The following PAMR1 variants were observed in gnomAD, a reference collection of about 807,000 sequenced individuals.
PAMR1 encodes inactive serine protease PAMR1.
A neutral mutation model predicts 81.8 loss-of-function variants in PAMR1; 88 were observed. The ratio of observed to expected loss-of-function variants is 1.08; its 90% CI spans 0.91 to 1.28. PAMR1 has a LOEUF of 1.28. PAMR1 is among the 50% of genes most tolerant of loss of function. PAMR1 has a pLI of 0.00. For synonymous variants in PAMR1, 336 were observed against 345.3 expected (o/e 0.97, Z 0.30); for missense variants, 935 against 919.7 (o/e 1.02, Z -0.21).
intron 6 of PAMR1, among the ~76,000 whole-genome samples, chr11:35,444,327 G>A (rs1289055444): frequency 6.6e-6 from 1 of 152,102 alleles, no homozygotes; most frequent in Non-Finnish European, 1.5e-5. Flanking sequence ...TTATTTTGCT[G>A]TGCAGAAGCT....
At chr11:35,468,329 G>A (rs1376992490) in intron 5 of PAMR1, among the ~76,000 whole-genome samples, 1 of 152,134 alleles carries the variant, frequency 6.6e-6, no homozygotes, top group Non-Finnish European at 1.5e-5. Flanking sequence ...GAGGGCCCCA[G>A]AAGTATGCTT....
At chr11:35,485,706 A>C (rs1850485540) in intron 3 of PAMR1, among the ~76,000 whole-genome samples, 1 of 152,248 alleles carries the variant, frequency 6.6e-6, no homozygotes, top group Non-Finnish European at 1.5e-5. Flanking sequence ...GTTCAGTGCC[A>C]GATGCTCTCT....
intron 6 of PAMR1, among the ~76,000 whole-genome samples, chr11:35,453,697 G>T (rs1195671111): frequency 6.6e-6 from 1 of 152,114 alleles, no homozygotes; most frequent in Non-Finnish European, 1.5e-5. Flanking sequence ...TCTCGCCATT[G>T]AACTGATTCA....
At chr11:35,457,310 G>A (rs79494093) in intron 6 of PAMR1, among the ~76,000 whole-genome samples, 1 of 60,678 alleles carries the variant, frequency 1.6e-5, no homozygotes, top group Admixed American at 2.0e-4. Context: ...AATGCTTGAG[G>A]GGGAATCCAT....
chr11:35,464,834 T>C (rs1474785213), intron 6 of PAMR1, among the ~76,000 whole-genome samples: 2 of 152,176 alleles, frequency 1.3e-5, no homozygotes, highest in African/African-American at 4.8e-5. Context: ...AAGTAGAAAA[T>C]CTACTTCTAT....
chr11:35,495,275 A>G (rs1390822597), intron 1 of PAMR1, among the ~76,000 whole-genome samples: 2 of 152,162 alleles, frequency 1.3e-5, no homozygotes, highest in Admixed American at 1.3e-4. Flanking sequence ...CTGTTTTACA[A>G]TGGTGAACTC....
At chr11:35,485,623 A>C (rs1191981099) in intron 3 of PAMR1, among the ~76,000 whole-genome samples, 1 of 152,240 alleles carries the variant, frequency 6.6e-6, no homozygotes, top group African/African-American at 2.4e-5. Context: ...ATGAATTTTA[A>C]GGTTGTCATT....
At chr11:35,501,357 T>TC (rs1296552104) in intron 1 of PAMR1, among the ~76,000 whole-genome samples, 2 of 151,978 alleles carry the variant, frequency 1.3e-5, no homozygotes, top group Non-Finnish European at 2.9e-5. Flanking sequence ...GGTTTTGAAC[T>TC]CCCGGGCTCA....
intron 6 of PAMR1, among the ~76,000 whole-genome samples, chr11:35,457,623 G>A (rs1485443383): frequency 6.6e-6 from 1 of 152,144 alleles, no homozygotes; most frequent in Non-Finnish European, 1.5e-5. Context: ...GGTGTCTTAG[G>A]TTGGGTTCTC....
At chr11:35,446,231 T>G (rs1220120389) in intron 6 of PAMR1, among the ~76,000 whole-genome samples, 2 of 152,208 alleles carry the variant, frequency 1.3e-5, no homozygotes, top group Non-Finnish European at 2.9e-5. Flanking sequence ...GTCTCTCTTT[T>G]CTTCTTTATT....
upstream of PAMR1, among the ~76,000 whole-genome samples, chr11:35,526,412 A>C (rs1565367248): frequency 6.6e-6 from 1 of 152,314 alleles, no homozygotes; most frequent in East Asian, 1.9e-4. Context: ...GCCTCCACCA[A>C]AAGGGCTCAG....
intron 1 of PAMR1, among the ~76,000 whole-genome samples, chr11:35,501,571 T>A (rs80201019): frequency 0.23 from 28,285 of 123,218 alleles, 3,396 homozygotes; most frequent in East Asian, 0.45. Context: ...TATTATTATT[T>A]TTTTTTTACT....
At chr11:35,444,736 G>A (rs1203367902) in intron 6 of PAMR1, among the ~76,000 whole-genome samples, 2 of 152,130 alleles carry the variant, frequency 1.3e-5, no homozygotes, top group Non-Finnish European at 2.9e-5. Context: ...TGCTGTTTTG[G>A]TTACTGTAGC....
intron 4 of PAMR1, 113 bp downstream of exon 4, chr11:35,474,517 A>T: frequency 1.7e-6 from 1 of 605,402 alleles, no homozygotes; most frequent in Non-Finnish European, 2.9e-6. Flanking sequence ...AGTGGTAAAG[A>T]GAAAGGCTCC....
intron 8 of PAMR1, 136 bp downstream of exon 8, chr11:35,439,491 T>A: frequency 1.3e-6 from 1 of 747,068 alleles, no homozygotes; most frequent in South Asian, 1.6e-5. Flanking sequence ...GCCCTATTAT[T>A]TCATGACCAG....
intron 1 of PAMR1, among the ~76,000 whole-genome samples, chr11:35,512,684 C>T (rs1349637044): frequency 6.6e-6 from 1 of 152,086 alleles, no homozygotes; most frequent in Non-Finnish European, 1.5e-5. Flanking sequence ...GATGAGTATA[C>T]AAAACCTAAT....
At chr11:35,433,795 G>C (rs1477012646) in intron 10 of PAMR1, among the ~76,000 whole-genome samples, 2 of 151,124 alleles carry the variant, frequency 1.3e-5, no homozygotes, top group Non-Finnish European at 2.9e-5. Flanking sequence ...TCGATGGCTG[G>C]ATGGATGGAT....
intron 1 of PAMR1, among the ~76,000 whole-genome samples, chr11:35,514,819 G>A (rs1293598689): frequency 5.3e-5 from 8 of 151,852 alleles, no homozygotes; most frequent in East Asian, 1.9e-4. Context: ...ACCCACCCCC[G>A]CACCACACCC....
chr11:35,500,889 G>T (rs1006570544), intron 1 of PAMR1, among the ~76,000 whole-genome samples: 5 of 152,082 alleles, frequency 3.3e-5, no homozygotes, highest in Non-Finnish European at 5.9e-5. Context: ...TGGTATAAAA[G>T]ATTTAAAAAA....
Sources: gnomAD v4.1 joint callset for allele counts (sites outside exome capture counted in the v4.1 genomes callset) on GRCh38, gnomAD v4.1.1 for gene constraint, MANE v1.5 for transcripts, NCBI Gene and HGNC (gene_info 2026-07-23, HGNC 2026-07-21) for gene names.